MLKL: variants seen among roughly 807,000 people sequenced by gnomAD.
MLKL encodes the protein mixed lineage kinase domain like pseudokinase, also known as mixed lineage kinase domain-like protein.
A neutral mutation model predicts 56.5 loss-of-function variants in MLKL; 55 were observed. The observed-to-expected ratio is 0.97, with a 90% CI of 0.78 to 1.22. The LOEUF (loss-of-function observed/expected upper bound fraction) is 1.22, where lower values mean the gene tolerates loss of function less well. Among genes scored for constraint, MLKL ranks in the 50% most tolerant of loss-of-function variants. The pLI is 0.00. For synonymous variants in MLKL, 251 were observed against 208.3 expected (o/e 1.20, Z -1.76); for missense variants, 694 against 573.9 (o/e 1.21, Z -2.14).
chr16:74,691,518 G>A (rs764841931), intron 3 of MLKL, 55 bp from the exon 4 acceptor site: 3 of 1,548,754 alleles, frequency 1.9e-6, no homozygotes, highest in East Asian at 4.5e-5. Context: ...CAGAGGAAGG[G>A]GTCCTAAGGG....
intron 5 of MLKL, among the ~76,000 whole-genome samples, chr16:74,684,820 A>G (rs1307450911): frequency 6.6e-6 from 1 of 152,042 alleles, no homozygotes; most frequent in Non-Finnish European, 1.5e-5. Context: ...GTTCTATACT[A>G]ATGATGACCA....
chr16:74,683,359 G>A (rs1218188083), intron 5 of MLKL, among the ~76,000 whole-genome samples: 1 of 151,534 alleles, frequency 6.6e-6, no homozygotes, highest in African/African-American at 2.4e-5. Context: ...TCTTTGGGAG[G>A]CTGAGGCTGG....
Position 74,678,538 on chromosome 16 carries a change from C to T in MLKL, c.1038+361G>A, listed in dbSNP as rs142065747. On this transcript the variant is annotated intron_variant, in intron 7 of 10. Coordinates refer to ENST00000308807, the MANE Select transcript of MLKL (RefSeq NM_152649.4). Reference sequence around the variant, plus strand: ...GTGGCTCATGCCTGTAATCCCAGCACTTTGGGAGGCCCAGGTGGGCGGATC... The same window carrying T: ...GTGGCTCATGCCTGTAATCCCAGCATTTTGGGAGGCCCAGGTGGGCGGATC... The T allele has an allele frequency of 4.8e-5, 10 of 208,450 alleles. No homozygotes were observed. The East Asian group carries it at 1.1e-3, about 24-fold the overall frequency. The allele number at this position is 208,450 out of a possible 1,614,324, so 12.9% of individuals were successfully genotyped here. A position where few individuals can be genotyped will look rare whatever the true frequency, so the allele number is the denominator to read the frequency against.
chr16:74,688,398 A>C (rs565463668), intron 4 of MLKL, among the ~76,000 whole-genome samples: 2 of 152,330 alleles, frequency 1.3e-5, no homozygotes, highest in African/African-American at 4.8e-5. Context: ...TATAAGAGCC[A>C]AAAACTATAA....
intron 1 of MLKL, among the ~76,000 whole-genome samples, chr16:74,696,945 A>G (rs1250226521): frequency 7.0e-6 from 1 of 142,626 alleles, no homozygotes; most frequent in Admixed American, 7.0e-5. Flanking sequence ...AGTAATATAT[A>G]TAATATTACA....
intron 5 of MLKL, among the ~76,000 whole-genome samples, chr16:74,684,068 C>A (rs1052937316): frequency 2.6e-5 from 4 of 151,946 alleles, no homozygotes; most frequent in African/African-American, 7.3e-5. Context: ...CTGCCTCAGC[C>A]TCCCGAGTAG....
chr16:74,681,222 C>T (rs1026050724), intron 6 of MLKL, among the ~76,000 whole-genome samples: 3 of 151,862 alleles, frequency 2.0e-5, no homozygotes, highest in African/African-American at 4.8e-5. Flanking sequence ...AACAGGGTTT[C>T]GCCACGTTGG....
At chr16:74,680,751 C>G (rs113213273) in intron 6 of MLKL, among the ~76,000 whole-genome samples, 1 of 152,066 alleles carries the variant, frequency 6.6e-6, no homozygotes, top group Non-Finnish European at 1.5e-5. Context: ...GTGATCTGTC[C>G]GCCTCAGCCT....
In MLKL at chr16:74,695,567, C is replaced by T. The variant is rs1488498666; in HGVS notation, c.191G>A (p.Arg64His). The change falls in exon 2 of 11, where the codon CGC becomes CAC. Residue 64 changes from arginine (R) to histidine (H), a missense_variant. Physicochemically the swap from Arg to His is conservative, Grantham distance 29 (BLOSUM62 0). Coordinates refer to ENST00000308807, the MANE Select transcript of MLKL (RefSeq NM_152649.4). ...PSEKLTTAMN[R>H]FKAALEEANG... ...AGCCTCCTCCAGGGCAGCCTTGAAG[C>T]GGTTCATGGCTGTGGTTAACTTCTC... 1 of 1,614,138 alleles carries T rather than the reference C, an allele frequency of 6.2e-7. No homozygotes were observed.
Position 74,672,452 on chromosome 16 carries a change from G to C in MLKL, c.*52C>G, listed in dbSNP as rs1029549413. Reference sequence around the variant, plus strand: ...TATGAGAGAGAGAGATGTCCAGTTTGTGCCTCTCCCAGCTTCTTGTCCAGA... The same window carrying C: ...TATGAGAGAGAGAGATGTCCAGTTTCTGCCTCTCCCAGCTTCTTGTCCAGA... On this transcript the variant is annotated 3_prime_UTR_variant, in exon 11 of 11. Transcript: ENST00000308807. 2.0e-6 allele frequency: 3 copies of C among 1,535,620 alleles called. No homozygotes were observed. The highest frequency in any genetic ancestry group is 4.5e-5 in the East Asian group (2 of 44,492).
intron 10 of MLKL, among the ~76,000 whole-genome samples, chr16:74,673,162 C>T (rs1482232493): frequency 6.6e-6 from 1 of 152,192 alleles, no homozygotes; most frequent in Non-Finnish European, 1.5e-5. Context: ...GCAGACAGAA[C>T]ATCCTTGGAA....
At chr16:74,695,071 A>T (rs1328844855) in intron 2 of MLKL, among the ~76,000 whole-genome samples, 1 of 152,052 alleles carries the variant, frequency 6.6e-6, no homozygotes, top group Non-Finnish European at 1.5e-5. Context: ...ACGGGGTTTC[A>T]CCGTGTTAGC....
At chr16:74,684,123 T>C (rs1960169865) in intron 5 of MLKL, among the ~76,000 whole-genome samples, 1 of 151,798 alleles carries the variant, frequency 6.6e-6, no homozygotes, top group Non-Finnish European at 1.5e-5. Context: ...AATTTTTATA[T>C]TTTTAGTAGA....
At chr16:74,682,630 C>A (rs370178120) in intron 6 of MLKL, 21 bp downstream of exon 6, 1 of 1,612,718 alleles carries the variant, frequency 6.2e-7, no homozygotes, top group Non-Finnish European at 8.5e-7. Flanking sequence ...CCCTTAGTGG[C>A]GCCTTTTCAC....
At chr16:74,697,458 A>G (rs774134516) in intron 1 of MLKL, among the ~76,000 whole-genome samples, 23 of 152,204 alleles carry the variant, frequency 1.5e-4, no homozygotes, top group Non-Finnish European at 1.9e-4. Context: ...TGATGATAAT[A>G]ATTATGACAC....
chr16:74,685,405 T>TAA, intron 5 of MLKL, 81 bp downstream of exon 5: 1 of 1,046,186 alleles, frequency 9.6e-7, no homozygotes. Flanking sequence ...TGATGTTCTT[T>TAA]AAAAAAATGC....
chr16:74,682,686 C>A lies in MLKL; in HGVS notation c.921G>T (p.Met307Ile). The part of the protein sequence containing the change: ...REKDLTLGKR[M>I]VLVLGAARGL... The stretch of plus-strand genomic sequence containing the variant: ...CTCGGGCTGCCCCCAGGACTAGGAC[C>A]ATGCGCTTGCCAAGTGTGAGGTCTT... The change falls in exon 6 of 11, where the codon ATG (methionine) becomes ATT (isoleucine). Residue 307 changes from methionine (M) to isoleucine (I), a missense_variant. Physicochemically the swap from Met to Ile is conservative, Grantham distance 10 (BLOSUM62 1). Transcript: ENST00000308807. 1.9e-6 allele frequency: 3 copies of A among 1,614,148 alleles called. No individual in the cohort carries two copies. The highest frequency in any genetic ancestry group is 2.7e-5 in the African/African-American group (2 of 75,048).
At chr16:74,697,551 A>T (rs1014624926) in intron 1 of MLKL, among the ~76,000 whole-genome samples, 20 of 152,196 alleles carry the variant, frequency 1.3e-4, no homozygotes, top group African/African-American at 4.3e-4. Context: ...ACAGATGAAG[A>T]TACCATCTGG....
In MLKL at chr16:74,671,925, T is replaced by C. The variant is rs970369642; in HGVS notation, c.*579A>G. ...ATGGGCAATTTGGGCTGGGATCTGC[T>C]TGAGTGGTTCTTCTGGTCTTGATTG... On this transcript the variant is annotated 3_prime_UTR_variant, in exon 11 of 11. Coordinates refer to ENST00000308807, the MANE Select transcript of MLKL (RefSeq NM_152649.4). 6 of 152,306 alleles carry C rather than the reference T, an allele frequency of 3.9e-5. No homozygotes were observed. Among genetic ancestry groups the C allele is most frequent in the African/African-American group, 1.2e-4 (5 of 41,468 alleles). 9.4% of individuals were successfully genotyped at this position (152,306 alleles called of 1,614,324 possible). A position where few individuals can be genotyped will look rare whatever the true frequency, so the allele number is the denominator to read the frequency against.
Sources: allele counts gnomAD v4.1 joint callset (sites outside exome capture counted in the v4.1 genomes callset), GRCh38; gene constraint gnomAD v4.1.1; transcripts MANE v1.5; gene names NCBI Gene and HGNC (gene_info 2026-07-23, HGNC 2026-07-21).